DNAI1: variants seen among roughly 807,000 people sequenced by gnomAD.
DNAI1 encodes dynein, axonemal, intermediate polypeptide 1.
A neutral mutation model predicts 92.0 loss-of-function variants in DNAI1; 67 were observed. The ratio of observed to expected loss-of-function variants is 0.73; its 90% CI spans 0.60 to 0.89. The LOEUF is 0.89. Among genes scored for constraint, DNAI1 ranks in the 40% least tolerant of loss-of-function variants. The pLI is 0.00. For synonymous variants in DNAI1, 323 were observed against 319.6 expected, an observed-to-expected ratio of 1.01 and a Z score of -0.11; for missense variants, 839 against 866.6, an observed-to-expected ratio of 0.97 and a Z score of 0.40.
intron 19 of DNAI1, among the ~76,000 whole-genome samples, 186 bp from the exon 20 acceptor site, chr9:34,520,471 GC>G (rs1825255518): frequency 6.6e-6 from 1 of 152,172 alleles, no homozygotes; most frequent in Non-Finnish European, 1.5e-5. Context: ...TGTCAGCTGA[GC>G]CCCTGTGTCA....
intron 18 of DNAI1, 85 bp downstream of exon 18, chr9:34,514,824 C>G: frequency 7.0e-7 from 1 of 1,424,050 alleles, no homozygotes. Flanking sequence ...AGAACCCATC[C>G]CATGCCTAGG....
rs1271867592 is a variant in DNAI1, at chr9:34,492,493, G to GAGAT, written c.682-700_682-699insGATA. 3.0e-3 allele frequency among the ~76,000 whole-genome samples: 202 copies of GAGAT among 68,260 alleles called. 17 individuals carry two copies. The highest frequency in any genetic ancestry group is 0.027 in the East Asian group (62 of 2,338). 44.8% of individuals were successfully genotyped at this position (68,260 alleles called of 152,430 possible). On this transcript the variant is annotated intron_variant, in intron 8 of 19. Transcript: ENST00000242317. Reference sequence around the variant, plus strand: ...TCCGGGGTGGGGGTGGGGATATGAAGATATATATATATATATATATATATA... The same window carrying GAGAT: ...TCCGGGGTGGGGGTGGGGATATGAAGAGATATATATATATATATATATATATATA...
intron 13 of DNAI1, among the ~76,000 whole-genome samples, chr9:34,510,877 G>A (rs898352980): frequency 2.0e-5 from 3 of 152,094 alleles, no homozygotes; most frequent in African/African-American, 4.8e-5. Context: ...GCTCTGTGGC[G>A]CTCTCAGTCC....
chr9:34,520,433 A>T (rs1825253963), intron 19 of DNAI1, among the ~76,000 whole-genome samples: 1 of 152,188 alleles, frequency 6.6e-6, no homozygotes, highest in Non-Finnish European at 1.5e-5. Context: ...CTGAGGTTCA[A>T]GCCAGAGCTG....
At chr9:34,492,491 A>AAGAGAG (rs1554688172) in intron 8 of DNAI1, among the ~76,000 whole-genome samples, 1 of 27,750 alleles carries the variant, frequency 3.6e-5, no homozygotes, top group South Asian at 1.2e-3. Flanking sequence ...TGGGGATATG[A>AAGAGAG]AGATATATAT....
chr9:34,507,259 T>C (rs1824954522), intron 13 of DNAI1, among the ~76,000 whole-genome samples: 1 of 152,114 alleles, frequency 6.6e-6, no homozygotes, highest in African/African-American at 2.4e-5. Flanking sequence ...CAGTCAAAAA[T>C]CTGTGTATAA....
intron 1 of DNAI1, among the ~76,000 whole-genome samples, chr9:34,466,641 T>C (rs1564026261): frequency 6.6e-6 from 1 of 152,226 alleles, no homozygotes; most frequent in Non-Finnish European, 1.5e-5. Flanking sequence ...AAGGTATATA[T>C]GTGGGGAGTT....
chr9:34,517,500 A>T (rs750705030), intron 19 of DNAI1, 33 bp downstream of exon 19: 1 of 1,613,666 alleles, frequency 6.2e-7, no homozygotes, highest in African/African-American at 1.3e-5. Flanking sequence ...CTGCTGCAAG[A>T]CGTAAAGTCT....
intron 1 of DNAI1, among the ~76,000 whole-genome samples, chr9:34,459,773 G>A (rs948815983): frequency 6.6e-6 from 1 of 152,222 alleles, no homozygotes; most frequent in African/African-American, 2.4e-5. Context: ...CCAACCCTTT[G>A]CTGTGTGCCT....
intron 13 of DNAI1, 42 bp downstream of exon 13, chr9:34,506,916 G>A: frequency 6.2e-7 from 1 of 1,602,212 alleles, no homozygotes; most frequent in Non-Finnish European, 8.5e-7. Context: ...GGAGCAGCAT[G>A]TGGGCCTGGA....
At chr9:34,470,402 A>G (rs998483644) in intron 1 of DNAI1, among the ~76,000 whole-genome samples, 1 of 152,244 alleles carries the variant, frequency 6.6e-6, no homozygotes, top group African/African-American at 2.4e-5. Flanking sequence ...AATGTTTGAA[A>G]ATAAAAGAAT....
rs537265642 is a variant in DNAI1, at chr9:34,486,093, C to T, written c.261+576C>T. Among the ~76,000 whole-genome samples the T allele has an allele frequency of 3.3e-5, 5 of 152,216 alleles. No individual in the cohort carries two copies. In the South Asian group the frequency reaches 1.0e-3, roughly 32 times the overall value. ...CATATTGATATGCCTATATAGGGGA[C>T]AATACTCTTTTCACTCATAGCAAGG... On this transcript the variant is annotated intron_variant, in intron 4 of 19. Transcript: ENST00000242317.
Position 34,500,825 on chromosome 9 carries a change from C to T in DNAI1, c.1005C>T (p.Val335=), listed in dbSNP as rs1425762150. The T allele has an allele frequency of 1.2e-6, 2 of 1,613,960 alleles. No homozygotes were observed. The highest frequency in any genetic ancestry group is 1.1e-5 in the South Asian group (1 of 91,076). Residue 335 remains valine (V), a synonymous_variant, in exon 11 of 20, where the codon GTC becomes GTT. Coordinates refer to ENST00000242317, the MANE Select transcript of DNAI1 (RefSeq NM_012144.4). ...FQNDKAKRLS[V]TALCWNPKYR... Reference sequence around the variant, plus strand: ...ATGACAAAGCCAAGCGCCTGTCCGTCACTGCCCTCTGCTGGTAAGTATAGG... The same window carrying T: ...ATGACAAAGCCAAGCGCCTGTCCGTTACTGCCCTCTGCTGGTAAGTATAGG...
intron 2 of DNAI1, 186 bp from the exon 3 acceptor site, chr9:34,484,956 G>C: frequency 3.3e-6 from 2 of 602,204 alleles, no homozygotes; most frequent in Non-Finnish European, 6.0e-6. Flanking sequence ...GGATCTTCCA[G>C]GCAATGAGAA....
chr9:34,509,926 A>G (rs1162727825), intron 13 of DNAI1, among the ~76,000 whole-genome samples: 1 of 152,004 alleles, frequency 6.6e-6, no homozygotes, highest in African/African-American at 2.4e-5. Context: ...GAAAAAAAAG[A>G]AAAACAGGTT....
chr9:34,497,116 C>G lies in DNAI1; in HGVS notation c.818C>G (p.Thr273Ser). The G allele has an allele frequency of 6.2e-7, 1 of 1,613,626 alleles. No homozygotes were observed. Among genetic ancestry groups the G allele is most frequent in the Non-Finnish European group, 8.5e-7 (1 of 1,179,498 alleles). ...MRKLTSMESQTDDLIKLSQAA... is the reference protein window; with the variant it reads ...MRKLTSMESQSDDLIKLSQAA... Reference sequence around the variant, plus strand: ...CCTGAAGTTTCTGTATCCCCACAGACTGATGATCTCATCAAATTGTCCCAA... The same window carrying G: ...CCTGAAGTTTCTGTATCCCCACAGAGTGATGATCTCATCAAATTGTCCCAA... The change falls in exon 10 of 20, where the codon ACT becomes AGT. Residue 273 changes from threonine (T) to serine (S), a missense_variant and splice_region_variant. Physicochemically the swap from Thr to Ser is moderately conservative, Grantham distance 58. Coordinates refer to ENST00000242317, the MANE Select transcript of DNAI1 (RefSeq NM_012144.4).
At chr9:34,498,267 T>C (rs574737961) in intron 10 of DNAI1, among the ~76,000 whole-genome samples, 4 of 152,262 alleles carry the variant, frequency 2.6e-5, no homozygotes, top group Non-Finnish European at 5.9e-5. Context: ...TGTTATTATT[T>C]TGTTTGTTCC....
chr9:34,490,166 A>G lies in DNAI1; in HGVS notation c.501+42A>G, dbSNP rs550157326. On this transcript the variant is annotated intron_variant, in intron 6 of 19. Transcript: ENST00000242317. ...CTCTGTGTCCCTCTTCTTCCAGCTC[A>G]AGCTGTGGATGGAGGCTTCATGGGT... 8.1e-5 allele frequency: 131 copies of G among 1,613,548 alleles called. 4 individuals carry two copies. In the South Asian group the frequency reaches 1.3e-3, roughly 16 times the overall value.
At chr9:34,508,564 A>G (rs1001001324) in intron 13 of DNAI1, among the ~76,000 whole-genome samples, 2 of 152,130 alleles carry the variant, frequency 1.3e-5, no homozygotes, top group African/African-American at 4.8e-5. Flanking sequence ...TGTCTTGATC[A>G]TACCTGGCCC....
Sources: gnomAD v4.1 joint callset for allele counts (sites outside exome capture counted in the v4.1 genomes callset) on GRCh38, gnomAD v4.1.1 for gene constraint, MANE v1.5 for transcripts, NCBI Gene and HGNC (gene_info 2026-07-23, HGNC 2026-07-21) for gene names.